Variants in ADAMTS1 observed in about 807,000 individuals in gnomAD.
ADAMTS1 encodes the protein ADAM metallopeptidase with thrombospondin type 1 motif 1, also known as A disintegrin and metalloproteinase with thrombospondin motifs 1.
Under a neutral mutation model 87.9 loss-of-function variants are expected in ADAMTS1, and 19 were observed. The ratio of observed to expected loss-of-function variants is 0.22; its 90% CI spans 0.15 to 0.32. ADAMTS1 has a LOEUF of 0.32. Among genes scored for constraint, ADAMTS1 ranks in the 10% least tolerant of loss-of-function variants. ADAMTS1 has a pLI of 1.00. For missense variants in ADAMTS1, 1,240 were observed against 1,259.1 expected, an observed-to-expected ratio of 0.98 and a Z score of 0.23; for synonymous variants, 542 against 501.8, an observed-to-expected ratio of 1.08 and a Z score of -1.07.
At position 26,841,935 on chromosome 21, in the gene ADAMTS1, A is replaced by G; in HGVS notation, c.1133T>C (p.Val378Ala). 3 of 1,614,142 alleles carry G rather than the reference A, an allele frequency of 1.9e-6. No individual in the cohort carries two copies. Among genetic ancestry groups the G allele is most frequent in the Non-Finnish European group, 2.5e-6 (3 of 1,180,026 alleles). ...GGAGCAGCTTCTGCTCGGATCACAC[A>G]CAGTTCCAACATCAGCCATCCCAAG... is the stretch of plus-strand genomic sequence containing the variant. ...DTLGMADVGT[V>A]CDPSRSCSVI... The change falls in exon 3 of 9, where the codon GTG (valine) becomes GCG (alanine). Residue 378 changes from valine (V) to alanine (A), a missense_variant. Val to Ala is a moderately conservative substitution (Grantham distance 64). Around this residue, in one of 3 missense-constraint regions of ADAMTS1, gnomAD observed 317 missense variants for 410.3 expected, o/e 0.77. Transcript: ENST00000284984.
chr21:26,842,483 G>C lies in ADAMTS1; in HGVS notation c.933C>G (p.Val311=). ...SVSLVVVKIL[V]IHDEQKGPEV... The stretch of plus-strand genomic sequence containing the variant: ...CCGGCCCCTTCTGTTCATCGTGGAT[G>C]ACCAAGATCTTCACCACCACCAGGC... Residue 311 remains valine (V), a synonymous_variant, in exon 2 of 9, where the codon GTC becomes GTG. Coordinates refer to ENST00000284984, the MANE Select transcript of ADAMTS1 (RefSeq NM_006988.5). 6.2e-7 allele frequency: 1 copy of C among 1,613,800 alleles called. No individual in the cohort carries two copies.
chr21:26,843,470 G>T, intron 1 of ADAMTS1: 1 of 468,694 alleles, frequency 2.1e-6, no homozygotes, highest in African/African-American at 2.0e-5. Flanking sequence ...AGGCACCAAA[G>T]TGATGAAACA....
At position 26,838,432 on chromosome 21, in the gene ADAMTS1, AACTT is replaced by A. The variant is rs777210328; in HGVS notation, c.2204+3_2204+6del. On this transcript the variant is annotated splice_donor_5th_base_variant and intron_variant, in intron 8 of 8. Coordinates refer to ENST00000284984, the MANE Select transcript of ADAMTS1 (RefSeq NM_006988.5). ...TAAGGTCTGCAAATAGGTGTTTTAA[AACTT>A]ACTTTGCACTAGTAACTGATCCTGA... 1.2e-6 allele frequency: 2 copies of A among 1,614,126 alleles called. No individual in the cohort carries two copies. The highest frequency in any genetic ancestry group is 1.7e-6 in the Non-Finnish European group (2 of 1,179,994).
chr21:26,842,708 G>C (rs1221116117), intron 1 of ADAMTS1, 23 bp from the exon 2 acceptor site: 27 of 1,595,248 alleles, frequency 1.7e-5, no homozygotes, highest in Non-Finnish European at 2.3e-5. Flanking sequence ...AAAAAAGTTT[G>C]CTTATGGTCA....
At chr21:26,842,223 G>T in intron 2 of ADAMTS1, 116 bp downstream of exon 2, 1 of 1,087,292 alleles carries the variant, frequency 9.2e-7, no homozygotes, top group Non-Finnish European at 1.3e-6. Context: ...AACCATGCTA[G>T]CCAATTAAAA....
intron 1 of ADAMTS1, chr21:26,843,347 C>T (rs1985534857): frequency 2.5e-6 from 1 of 402,824 alleles, no homozygotes. Context: ...GACCCAACCC[C>T]TGCAGAAAGT....
At position 26,840,870 on chromosome 21, in the gene ADAMTS1, T is replaced by G; in HGVS notation, c.1378+128A>C. ...GGAATTAAGATCTCAACAGTTAGGA[T>G]CTTGACAGAGGAAAAGTAATTTTGA... On this transcript the variant is annotated intron_variant, in intron 4 of 8. Transcript: ENST00000284984. 4 of 1,186,484 alleles carry G rather than the reference T, an allele frequency of 3.4e-6. No homozygotes were observed. In the South Asian group the frequency reaches 6.1e-5, roughly 18 times the overall value. The allele number at this position is 1,186,484 out of a possible 1,614,324, so 73.5% of individuals were successfully genotyped here. A position where few individuals can be genotyped will look rare whatever the true frequency, so the allele number is the denominator to read the frequency against.
chr21:26,842,257 T>G, intron 2 of ADAMTS1, 82 bp downstream of exon 2: 2 of 1,357,408 alleles, frequency 1.5e-6, no homozygotes, highest in Non-Finnish European at 2.0e-6. Context: ...AAAACACTGG[T>G]GAAATGCCTT....
At position 26,842,356 on chromosome 21, in the gene ADAMTS1, T is replaced by C. The variant is rs981205954; in HGVS notation, c.1060A>G (p.Ile354Val). Residue 354 changes from isoleucine (I) to valine (V), a missense_variant, in exon 2 of 9, where the codon ATT becomes GTT. Physicochemically the swap from Ile to Val is conservative, Grantham distance 29. Around this residue, in one of 3 missense-constraint regions of ADAMTS1, gnomAD observed 317 missense variants for 410.3 expected, o/e 0.77. Coordinates refer to ENST00000284984, the MANE Select transcript of ADAMTS1 (RefSeq NM_006988.5). ...DRDAEHYDTA[I>V]LFTRQDLCGS... ...CCTCTTACCTGTCTGGTGAAAAGAA[T>C]TGCTGTGTCATAGTGCTCTGCATCC... 5.6e-6 allele frequency: 9 copies of C among 1,614,052 alleles called. No individual in the cohort carries two copies. The highest frequency in any genetic ancestry group is 3.3e-5 in the Admixed American group (2 of 60,014).
Position 26,840,472 on chromosome 21 carries a change from A to C in ADAMTS1, c.1469T>G (p.Phe490Cys), listed in dbSNP as rs1272354151. Residue 490 changes from phenylalanine to cysteine, a missense_variant, in exon 5 of 9, where the codon TTT (phenylalanine) becomes TGT (cysteine). Physicochemically the swap from Phe to Cys is radical, Grantham distance 205. Transcript: ENST00000284984. Reference protein sequence around the residue: ...TSYDANRQCQFTFGEDSKHCP... With the variant: ...TSYDANRQCQCTFGEDSKHCP... ...GTGTTTGGAGTCCTCCCCAAATGTA[A>C]ACTGGCACTGCCGGTTGGCATCGTA... 11 of 1,614,052 alleles carry C rather than the reference A, an allele frequency of 6.8e-6. No individual in the cohort carries two copies. The South Asian group carries it at 9.9e-5, about 14-fold the overall frequency.
Position 26,839,734 on chromosome 21 carries a change from T to C in ADAMTS1, c.1881A>G (p.Glu627=), listed in dbSNP as rs1430977005. ...NGKTFREEQC[E]AHNEFSKASF... ...AAGCTTTTGAAAACTCGTTGTGTGC[T>C]TCACATTGTTCCTCTCTAAAGGTTT... Residue 627 remains glutamate (E), a synonymous_variant, in exon 7 of 9, where the codon GAA becomes GAG. Transcript: ENST00000284984. The C allele has an allele frequency of 1.2e-6, 2 of 1,612,130 alleles. No homozygotes were observed. The highest frequency in any genetic ancestry group is 3.3e-5 in the Admixed American group (2 of 59,926).
In ADAMTS1 at chr21:26,837,530, G is replaced by C. The variant is rs775017529; in HGVS notation, c.*49C>G. On this transcript the variant is annotated 3_prime_UTR_variant, in exon 9 of 9. Transcript: ENST00000284984. ...CAGCCTTCTTGCTTTCCCTGCACCA[G>C]CCCTTCCTCACTTTGCCTTGCCCTC... 4 of 1,546,008 alleles carry C rather than the reference G, an allele frequency of 2.6e-6. No individual in the cohort carries two copies. The highest frequency in any genetic ancestry group is 2.7e-6 in the Non-Finnish European group (3 of 1,125,328).
Position 26,840,984 on chromosome 21 carries a change from C to T in ADAMTS1, c.1378+14G>A. ...GTTGGATGCCATCTAGAGAGAGTAG[C>T]TGGAATATCTCACCATGACCATTAT... On this transcript the variant is annotated intron_variant, in intron 4 of 8. Transcript: ENST00000284984. 6.2e-7 allele frequency: 1 copy of T among 1,609,628 alleles called. No individual in the cohort carries two copies. The highest frequency in any genetic ancestry group is 1.1e-5 in the South Asian group (1 of 90,910).
intron 7 of ADAMTS1, chr21:26,838,978 G>T (rs1568809990): frequency 1.6e-5 from 3 of 184,038 alleles, no homozygotes; most frequent in Non-Finnish European, 3.4e-5. Context: ...TATTGAATCT[G>T]CAACTTGGGA....
At chr21:26,842,195 G>C (rs747715048) in intron 2 of ADAMTS1, 144 bp downstream of exon 2, 1 of 1,006,782 alleles carries the variant, frequency 9.9e-7, no homozygotes, top group Non-Finnish European at 1.4e-6. Context: ...TTAAATTACA[G>C]TAGAAATGAG....
Position 26,840,343 on chromosome 21 carries a change from C to A in ADAMTS1, c.1598G>T (p.Ser533Ile). 1 of 1,614,262 alleles carries A rather than the reference C, an allele frequency of 6.2e-7. No individual in the cohort carries two copies. Among genetic ancestry groups the A allele is most frequent in the Non-Finnish European group, 8.5e-7 (1 of 1,180,052 alleles). ...TKHFPWADGT[S>I]CGEGKWCING... is the part of the protein sequence containing the mutation. ...GATACACCATTTCCCTTCTCCACAG[C>A]TGGTGCCATCCGCCCACGGGAAGTG... The change falls in exon 5 of 9, where the codon AGC becomes ATC. Residue 533 changes from serine (S) to isoleucine (I), a missense_variant. Physicochemically the swap from Ser to Ile is moderately radical, Grantham distance 142. Transcript: ENST00000284984.
In ADAMTS1 at chr21:26,837,185, C is replaced by T. The variant is rs1410359059; in HGVS notation, c.*394G>A. On this transcript the variant is annotated 3_prime_UTR_variant, in exon 9 of 9. Coordinates refer to ENST00000284984, the MANE Select transcript of ADAMTS1 (RefSeq NM_006988.5). ...TTAGTAAAATCTCACTTTTCTCCTA[C>T]TTTTCATTTCCCAACCCCCATGATA... The T allele has an allele frequency of 5.9e-6, 1 of 170,072 alleles. No homozygotes were observed. Among genetic ancestry groups the T allele is most frequent in the Non-Finnish European group, 1.3e-5 (1 of 77,776 alleles). 10.5% of individuals were successfully genotyped at this position (170,072 alleles called of 1,614,324 possible). A position where few individuals can be genotyped will look rare whatever the true frequency, so the allele number is the denominator to read the frequency against.
chr21:26,835,994 A>G lies in ADAMTS1; in HGVS notation c.*1585T>C, dbSNP rs1985356664. 1 of 152,212 alleles carries G rather than the reference A, an allele frequency of 6.6e-6. No individual in the cohort carries two copies. The highest frequency in any genetic ancestry group is 2.4e-5 in the African/African-American group (1 of 41,452). 9.4% of individuals were successfully genotyped at this position (152,212 alleles called of 1,614,324 possible). ...ATTGACAAAGTTGCAAATATTTACC[A>G]TTTGGCTTTTTACAAAAGAAGTTTG... is the stretch of plus-strand genomic sequence containing the variant. On this transcript the variant is annotated 3_prime_UTR_variant, in exon 9 of 9. Transcript: ENST00000284984.
In ADAMTS1 at chr21:26,837,691, C is replaced by A. The variant is rs1985397538; in HGVS notation, c.2792G>T (p.Arg931Ile). The stretch of plus-strand genomic sequence containing the variant: ...ATCATGGGACAGACACTTCAAGCTT[C>A]TTTTTTTGTAACCCTTCCCACAGGT... Reference protein sequence around the residue: ...SKTCGKGYKKRSLKCLSHDGG... With the variant: ...SKTCGKGYKKISLKCLSHDGG... Residue 931 changes from arginine (R) to isoleucine (I), a missense_variant, in exon 9 of 9, where the codon AGA becomes ATA. Arg to Ile is a moderately conservative substitution (Grantham distance 97, BLOSUM62 -3). Transcript: ENST00000284984. The A allele has an allele frequency of 6.2e-7, 1 of 1,614,080 alleles. No homozygotes were observed. Among genetic ancestry groups the A allele is most frequent in the Admixed American group, 1.7e-5 (1 of 60,008 alleles).
Sources: allele counts gnomAD v4.1 joint callset, GRCh38; gene constraint gnomAD v4.1.1; regional missense constraint gnomAD v4.1.1; transcripts MANE v1.5; gene names NCBI Gene and HGNC (gene_info 2026-07-23, HGNC 2026-07-21).